The following AGBL4 variants were observed in gnomAD, a reference collection of about 807,000 sequenced individuals.
The protein encoded by AGBL4 is AGBL carboxypeptidase 4, also known as cytosolic carboxypeptidase 6.
A neutral mutation model predicts 66.4 loss-of-function variants in AGBL4; 58 were observed. That is an observed-to-expected ratio of 0.87 (90% CI 0.71 to 1.09). The LOEUF (loss-of-function observed/expected upper bound fraction) is 1.09. Ranked by LOEUF, AGBL4 falls within the 50% of genes least tolerant of loss-of-function variation. The pLI is 0.00. For missense variants in AGBL4, 579 were observed against 631.0 expected (o/e 0.92, Z 0.88); for synonymous variants, 234 against 222.9 (o/e 1.05, Z -0.44).
chr1:49,725,053 G>A (rs1367957674), intron 2 of AGBL4, among the ~76,000 whole-genome samples: 1 of 151,884 alleles, frequency 6.6e-6, no homozygotes, highest in Non-Finnish European at 1.5e-5. Context: ...AAGAGCAGGA[G>A]GGAAGAAAAA....
At chr1:48,931,064 G>A (rs75494203) in intron 5 of AGBL4, among the ~76,000 whole-genome samples, 2 of 152,176 alleles carry the variant, frequency 1.3e-5, no homozygotes, top group East Asian at 1.9e-4. Flanking sequence ...TAACAAAATT[G>A]AGCCCCAAAA....
chr1:48,549,114 C>T (rs1644211335), intron 11 of AGBL4, among the ~76,000 whole-genome samples: 1 of 152,184 alleles, frequency 6.6e-6, no homozygotes, highest in Non-Finnish European at 1.5e-5. Context: ...CTGCCCCTCC[C>T]AGCAACAGAT....
intron 3 of AGBL4, among the ~76,000 whole-genome samples, chr1:49,437,221 G>A (rs1020154385): frequency 3.9e-5 from 6 of 152,054 alleles, no homozygotes; most frequent in African/African-American, 1.4e-4. Context: ...TATTACTTTG[G>A]AATAAAGGAT....
chr1:48,529,357 G>GT (rs1643894872), downstream of AGBL4, among the ~76,000 whole-genome samples: 1 of 151,976 alleles, frequency 6.6e-6, no homozygotes, highest in African/African-American at 2.4e-5. Context: ...TGAGAAAAGA[G>GT]TTTTTCTCAG....
At chr1:49,048,463 C>T (rs905164763) in intron 4 of AGBL4, 1 of 152,104 alleles carries the variant, frequency 6.6e-6, no homozygotes, top group African/African-American at 2.4e-5. Flanking sequence ...AGCTAATGGG[C>T]TCTAGGGCAA....
intron 12 of AGBL4, among the ~76,000 whole-genome samples, chr1:48,539,288 A>G (rs1243828723): frequency 6.6e-6 from 1 of 152,226 alleles, no homozygotes; most frequent in Non-Finnish European, 1.5e-5. Context: ...GAAGGATCAG[A>G]GAAGTTCATA....
intron 3 of AGBL4, among the ~76,000 whole-genome samples, chr1:49,650,845 C>A (rs1197008065): frequency 6.6e-6 from 1 of 152,146 alleles, no homozygotes; most frequent in Non-Finnish European, 1.5e-5. Flanking sequence ...AACCCCACTC[C>A]CCCTATTCAC....
chr1:49,984,162 T>G (rs1659311833), intron 1 of AGBL4, among the ~76,000 whole-genome samples: 1 of 152,244 alleles, frequency 6.6e-6, no homozygotes, highest in South Asian at 2.1e-4. Context: ...CTCTAGCAGC[T>G]AAACAAGCAC....
At chr1:48,693,157 C>T (rs76486146) in intron 6 of AGBL4, among the ~76,000 whole-genome samples, 7,459 of 152,244 alleles carry the variant, frequency 0.049, 585 homozygotes, top group African/African-American at 0.17. Context: ...GATACTAATC[C>T]TTATCTGTTT....
At chr1:49,542,013 T>A (rs942624868) in intron 3 of AGBL4, among the ~76,000 whole-genome samples, 6 of 152,188 alleles carry the variant, frequency 3.9e-5, no homozygotes, top group African/African-American at 1.4e-4. Flanking sequence ...CAGCACCCTG[T>A]GTCTAGCTCA....
intron 2 of AGBL4, among the ~76,000 whole-genome samples, chr1:49,708,297 T>C (rs903983248): frequency 3.9e-5 from 6 of 152,048 alleles, no homozygotes; most frequent in African/African-American, 1.4e-4. Context: ...TTTATTTCAT[T>C]AAGTTGAGCT....
intron 2 of AGBL4, among the ~76,000 whole-genome samples, chr1:49,841,579 C>G (rs1201687447): frequency 6.6e-6 from 1 of 152,124 alleles, no homozygotes; most frequent in East Asian, 1.9e-4. Flanking sequence ...ATCATACTAT[C>G]TAACTTCAAA....
chr1:49,932,127 T>C (rs1323337282), intron 1 of AGBL4, among the ~76,000 whole-genome samples: 1 of 152,178 alleles, frequency 6.6e-6, no homozygotes, highest in East Asian at 1.9e-4. Flanking sequence ...ATAAGGGATA[T>C]TGAAACTGTA....
chr1:48,747,421 A>T (rs1302713450), intron 6 of AGBL4, among the ~76,000 whole-genome samples: 1 of 152,236 alleles, frequency 6.6e-6, no homozygotes, highest in Non-Finnish European at 1.5e-5. Context: ...GAACCCATTC[A>T]TCACACAACC....
At chr1:49,346,988 G>A (rs1199064323) in intron 3 of AGBL4, among the ~76,000 whole-genome samples, 2 of 152,136 alleles carry the variant, frequency 1.3e-5, no homozygotes, top group East Asian at 3.9e-4. Flanking sequence ...AGAGACCCAG[G>A]AAATATCCTG....
At chr1:48,675,048 G>A (rs1456334773) in intron 6 of AGBL4, among the ~76,000 whole-genome samples, 1 of 152,172 alleles carries the variant, frequency 6.6e-6, no homozygotes, top group Non-Finnish European at 1.5e-5. Context: ...GACAGAGAAG[G>A]GCATTTTGAC....
At chr1:49,567,587 T>C (rs1644238863) in intron 3 of AGBL4, among the ~76,000 whole-genome samples, 1 of 152,210 alleles carries the variant, frequency 6.6e-6, no homozygotes, top group Non-Finnish European at 1.5e-5. Context: ...ATTTTGTTAT[T>C]TTTCAGTTCC....
intron 3 of AGBL4, among the ~76,000 whole-genome samples, chr1:49,544,331 C>A (rs1282400185): frequency 1.3e-5 from 2 of 152,000 alleles, no homozygotes; most frequent in African/African-American, 2.4e-5. Context: ...ATTATTTTGT[C>A]CTTTTGTTTC....
rs191977429 is a variant in AGBL4 at position 49,511,348 on chromosome 1, C to T, written c.282+185965G>A. Among the ~76,000 whole-genome samples, 1,060 of 150,502 alleles carry T rather than the reference C, an allele frequency of 7.0e-3. 18 individuals carry two copies. Among genetic ancestry groups the T allele is most frequent in the South Asian group, 0.014 (66 of 4,770 alleles). On this transcript the variant is annotated intron_variant, in intron 3 of 13. Coordinates refer to ENST00000371839, the MANE Select transcript of AGBL4 (RefSeq NM_032785.4). Reference sequence around the variant, plus strand: ...GAAATCATCATTCTCAGTAAACTATCGCAAGAACAAAAAACCAAACACTAC... The same window carrying T: ...GAAATCATCATTCTCAGTAAACTATTGCAAGAACAAAAAACCAAACACTAC...
Sources: gnomAD v4.1 joint callset for allele counts (sites outside exome capture counted in the v4.1 genomes callset) on GRCh38, gnomAD v4.1.1 for gene constraint, MANE v1.5 for transcripts, NCBI Gene and HGNC (gene_info 2026-07-23, HGNC 2026-07-21) for gene names.